Variants in C2orf42 observed in about 807,000 individuals in gnomAD.
The protein encoded by C2orf42 is uncharacterized protein C2orf42.
In C2orf42, 44 loss-of-function variants were observed where a neutral mutation model predicts 58.9. The observed-to-expected ratio is 0.75, with a 90% confidence interval of 0.59 to 0.96. The LOEUF is 0.96. Ranked by LOEUF, C2orf42 falls within the 40% of genes least tolerant of loss-of-function variation. The pLI is 0.00. For missense variants in C2orf42, 630 were observed against 699.2 expected, an observed-to-expected ratio of 0.90 and a Z score of 1.12; for synonymous variants, 239 against 265.4, an observed-to-expected ratio of 0.90 and a Z score of 0.97.
At chr2:70,165,475 A>G (rs1328898277) in intron 7 of C2orf42, 53 bp downstream of exon 7, 2 of 1,039,756 alleles carry the variant, frequency 1.9e-6, no homozygotes, top group African/African-American at 1.6e-5. Context: ...TTTTCCAAAC[A>G]TAATTCTCTA....
At chr2:70,184,080 G>C (rs904966703) in intron 1 of C2orf42, among the ~76,000 whole-genome samples, 4 of 152,084 alleles carry the variant, frequency 2.6e-5, no homozygotes, top group Non-Finnish European at 5.9e-5. Flanking sequence ...TAAAGTGCTG[G>C]GATTATAAGT....
rs1313022233 is a variant in C2orf42 at position 70,182,926 on chromosome 2, T to A, written c.-272A>T. On this transcript the variant is annotated 5_prime_UTR_variant, in exon 2 of 10. Transcript: ENST00000264434. ...AGATTCCCACTTCCCTAAGTGGAGA[T>A]CTTGATAGTCTGCGAGTAAAACAAG... is the stretch of plus-strand genomic sequence containing the variant. 17 of 152,182 alleles carry A rather than the reference T, an allele frequency of 1.1e-4. No individual in the cohort carries two copies. Among genetic ancestry groups the A allele is most frequent in the African/African-American group, 4.1e-4 (17 of 41,444 alleles). 9.4% of individuals were successfully genotyped at this position (152,182 alleles called of 1,614,324 possible).
chr2:70,158,198 CAAAA>C (rs545342436), intron 9 of C2orf42, among the ~76,000 whole-genome samples: 1 of 74,810 alleles, frequency 1.3e-5, no homozygotes, highest in Non-Finnish European at 2.7e-5. Flanking sequence ...GACTCGGTCT[CAAAA>C]AAAAAAAAAA....
Position 70,181,335 on chromosome 2 carries a change from C to G in C2orf42, c.651G>C (p.Leu217Phe). 1 of 1,614,068 alleles carries G rather than the reference C, an allele frequency of 6.2e-7. No homozygotes were observed. The highest frequency in any genetic ancestry group is 8.5e-7 in the Non-Finnish European group (1 of 1,179,980). ...AGGAGCAGAAGAAGCGGCGCTCAGG[C>G]AAGCTTTTGCCACTGACTTTCTGCA... ...SFVQKVSGKSLPERRFFCSCQ... is the reference protein window; with the variant it reads ...SFVQKVSGKSFPERRFFCSCQ... The change falls in exon 3 of 10, where the codon TTG becomes TTC. Residue 217 changes from leucine (L) to phenylalanine (F), a missense_variant. Physicochemically the swap from Leu to Phe is conservative, Grantham distance 22. Transcript: ENST00000264434.
At chr2:70,164,877 A>G (rs1181182704) in intron 8 of C2orf42, among the ~76,000 whole-genome samples, 1 of 152,204 alleles carries the variant, frequency 6.6e-6, no homozygotes, top group Non-Finnish European at 1.5e-5. Context: ...GGAAAAGTAT[A>G]TTCCAATTTA....
At chr2:70,176,772 G>A (rs902335375) in intron 4 of C2orf42, among the ~76,000 whole-genome samples, 2 of 152,056 alleles carry the variant, frequency 1.3e-5, no homozygotes, top group African/African-American at 4.8e-5. Context: ...GGGACTACAG[G>A]CATGCACCAC....
intron 5 of C2orf42, 55 bp downstream of exon 5, chr2:70,175,618 C>T (rs1405877744): frequency 2.0e-6 from 2 of 1,020,214 alleles, no homozygotes; most frequent in Non-Finnish European, 3.1e-6. Context: ...CTGCTTCTGG[C>T]TTCTTTAGGA....
chr2:70,160,036 A>C (rs1271828889), intron 9 of C2orf42, among the ~76,000 whole-genome samples: 1 of 152,244 alleles, frequency 6.6e-6, no homozygotes, highest in Non-Finnish European at 1.5e-5. Context: ...TGGAAGAATA[A>C]ATACAAAACT....
intron 6 of C2orf42, 126 bp from the exon 7 acceptor site, chr2:70,165,761 T>G: frequency 1.6e-6 from 1 of 614,134 alleles, no homozygotes. Flanking sequence ...GATTTCTTTA[T>G]ACAGAGGCAA....
In C2orf42 at chr2:70,165,413, G is replaced by C. The variant is rs890021591; in HGVS notation, c.1252+115C>G. 4.4e-6 allele frequency: 3 copies of C among 675,842 alleles called. No individual in the cohort carries two copies. In the African/African-American group the frequency reaches 5.4e-5, roughly 12 times the overall value. 41.9% of individuals were successfully genotyped at this position (675,842 alleles called of 1,614,324 possible). On this transcript the variant is annotated intron_variant, in intron 7 of 9. Coordinates refer to ENST00000264434, the MANE Select transcript of C2orf42 (RefSeq NM_017880.3). ...ATTGAAGGCTTTGTGCTCCAGACAT[G>C]TGAGTAGAAGTCCTAACTCTGAATA...
At chr2:70,188,380 G>A (rs999914866) in intron 1 of C2orf42, among the ~76,000 whole-genome samples, 2 of 151,880 alleles carry the variant, frequency 1.3e-5, no homozygotes, top group Non-Finnish European at 2.9e-5. Flanking sequence ...AGTTGAGACG[G>A]GGTTTCTCCA....
intron 9 of C2orf42, among the ~76,000 whole-genome samples, chr2:70,154,076 A>C (rs577764504): frequency 4.6e-4 from 68 of 147,698 alleles, no homozygotes; most frequent in South Asian, 8.4e-4. Context: ...AACAAACAAA[A>C]AAAAAAACAC....
chr2:70,150,058 AACG>A lies in C2orf42; in HGVS notation c.*295_*297del. 1 of 406,388 alleles carries A rather than the reference AACG, an allele frequency of 2.5e-6. No homozygotes were observed. The highest frequency in any genetic ancestry group is 4.5e-6 in the Non-Finnish European group (1 of 220,196). The allele number at this position is 406,388 out of a possible 1,614,324, so 25.2% of individuals were successfully genotyped here. A position where few individuals can be genotyped will look rare whatever the true frequency, so the allele number is the denominator to read the frequency against. On this transcript the variant is annotated 3_prime_UTR_variant, in exon 10 of 10. Transcript: ENST00000264434. Reference sequence around the variant, plus strand: ...AGAGAATTAGCAAAAGGTTGAAATAAACGCTAAAGATGAGTCCGTAAGAAGGAA... The same window carrying A: ...AGAGAATTAGCAAAAGGTTGAAATAACTAAAGATGAGTCCGTAAGAAGGAA...
intron 1 of C2orf42, among the ~76,000 whole-genome samples, chr2:70,190,007 T>C (rs376366145): frequency 2.0e-5 from 3 of 152,166 alleles, no homozygotes; most frequent in South Asian, 2.1e-4. Flanking sequence ...ACAATGTCTA[T>C]TGCATCAGAA....
At chr2:70,151,312 T>C (rs1001309035) in intron 9 of C2orf42, among the ~76,000 whole-genome samples, 4 of 152,072 alleles carry the variant, frequency 2.6e-5, no homozygotes, top group Non-Finnish European at 5.9e-5. Flanking sequence ...AGTGAGACTT[T>C]GTCTCAAAAA....
chr2:70,153,743 A>G (rs2104824687), intron 9 of C2orf42, among the ~76,000 whole-genome samples: 1 of 151,762 alleles, frequency 6.6e-6, no homozygotes, highest in South Asian at 2.1e-4. Flanking sequence ...AGGGAAAGCA[A>G]TGACTGATAT....
At chr2:70,176,058 C>T (rs575570237) in intron 4 of C2orf42, among the ~76,000 whole-genome samples, 10 of 152,198 alleles carry the variant, frequency 6.6e-5, no homozygotes, top group African/African-American at 2.4e-4. Context: ...GAACTGTCTT[C>T]CGTTTTCTTC....
chr2:70,150,967 A>G (rs1049662877), intron 9 of C2orf42, among the ~76,000 whole-genome samples: 3 of 152,100 alleles, frequency 2.0e-5, no homozygotes, highest in Admixed American at 2.0e-4. Context: ...GGATGGCTCA[A>G]TCTCTTGACC....
chr2:70,153,403 C>T lies in C2orf42; in HGVS notation c.1517-2839G>A, dbSNP rs1381393442. On this transcript the variant is annotated intron_variant, in intron 9 of 9. Coordinates refer to ENST00000264434, the MANE Select transcript of C2orf42 (RefSeq NM_017880.3). ...TTTTTGAGACAGAGTTTTGCTCTGT[C>T]GCCAGGCTGTAGTGGTGCGATCTCG... is the stretch of plus-strand genomic sequence containing the variant. Among the ~76,000 whole-genome samples, 5 of 144,210 alleles carry T rather than the reference C, an allele frequency of 3.5e-5. No individual in the cohort carries two copies. The South Asian group carries it at 8.8e-4, about 25-fold the overall frequency. 94.6% of individuals were successfully genotyped at this position (144,210 alleles called of 152,430 possible).
Sources: allele counts gnomAD v4.1 joint callset (sites outside exome capture counted in the v4.1 genomes callset), GRCh38; gene constraint gnomAD v4.1.1; transcripts MANE v1.5; gene names NCBI Gene and HGNC (gene_info 2026-07-23, HGNC 2026-07-21).